The following GRK5 variants were observed in gnomAD, a reference collection of about 807,000 sequenced individuals.
The protein encoded by GRK5 is g protein-coupled receptor kinase GRK5.
In GRK5, 40 loss-of-function variants were observed where a neutral mutation model predicts 78.4. The observed-to-expected ratio is 0.51, with a 90% CI of 0.40 to 0.66. GRK5 has a LOEUF of 0.66. Ranked by LOEUF, GRK5 falls within the 30% of genes least tolerant of loss-of-function variation. The pLI, the probability that GRK5 is intolerant of heterozygous loss-of-function variation, is 0.00. For synonymous variants in GRK5, 289 were observed against 296.8 expected (o/e 0.97, Z 0.27); for missense variants, 598 against 759.9 (o/e 0.79, Z 2.50).
intron 4 of GRK5, among the ~76,000 whole-genome samples, chr10:119,414,240 G>T (rs1484304302): frequency 1.3e-5 from 2 of 152,240 alleles, no homozygotes; most frequent in Non-Finnish European, 2.9e-5. Flanking sequence ...TAAGCCCTAA[G>T]TGCTTGCGTC....
At chr10:119,394,302 C>T (rs1277166793) in intron 3 of GRK5, among the ~76,000 whole-genome samples, 1 of 37,620 alleles carries the variant, frequency 2.7e-5, no homozygotes, top group Admixed American at 2.2e-4. Flanking sequence ...ATCTGTGTGT[C>T]TGTGTGGGCA....
chr10:119,434,120 A>G (rs1484378442), intron 8 of GRK5, among the ~76,000 whole-genome samples: 1 of 152,196 alleles, frequency 6.6e-6, no homozygotes, highest in Admixed American at 6.5e-5. Context: ...ACTGCCCACA[A>G]TTCAATTATC....
At position 119,338,889 on chromosome 10, in the gene GRK5, G is replaced by GT. The variant is rs1222355194; in HGVS notation, c.148+12284dup. ...CACATGTATATATTCTACTATTTGGGTTTTTTCCACCTAGTTTTTGCCATT... is the reference window on the plus strand; with the variant it reads ...CACATGTATATATTCTACTATTTGGGTTTTTTTCCACCTAGTTTTTGCCATT... On this transcript the variant is annotated intron_variant, in intron 2 of 15. Coordinates refer to ENST00000392870, the MANE Select transcript of GRK5 (RefSeq NM_005308.3). Among the ~76,000 whole-genome samples, 3 of 152,268 alleles carry GT rather than the reference G, an allele frequency of 2.0e-5. No individual in the cohort carries two copies. The East Asian group carries it at 5.8e-4, about 29-fold the overall frequency.
chr10:119,348,013 G>T (rs1013136456), intron 2 of GRK5, among the ~76,000 whole-genome samples: 10 of 152,202 alleles, frequency 6.6e-5, no homozygotes, highest in Admixed American at 6.5e-4. Context: ...TCTCTCATCC[G>T]CCATTGTTGT....
chr10:119,258,622 T>A (rs769618482), intron 1 of GRK5, among the ~76,000 whole-genome samples: 1 of 152,202 alleles, frequency 6.6e-6, no homozygotes, highest in Non-Finnish European at 1.5e-5. Flanking sequence ...GCTTGGCGTT[T>A]TAATTGCAAG....
chr10:119,208,809 A>AG lies in GRK5; in HGVS notation c.52+848dup, dbSNP rs376756082. On this transcript the variant is annotated intron_variant, in intron 1 of 15. Coordinates refer to ENST00000392870, the MANE Select transcript of GRK5 (RefSeq NM_005308.3). The stretch of plus-strand genomic sequence containing the variant: ...TTCCTTTTGATGAAAAACAGAAAAA[A>AG]GGGGGGGGAGGCAGAAACTTGGGTG... Among the ~76,000 whole-genome samples the AG allele has an allele frequency of 1.8e-3, 279 of 151,746 alleles. 3 individuals carry two copies. The highest frequency in any genetic ancestry group is 5.1e-3 in the African/African-American group (210 of 41,362).
At chr10:119,422,933 G>A (rs1227097518) in intron 4 of GRK5, among the ~76,000 whole-genome samples, 1 of 152,236 alleles carries the variant, frequency 6.6e-6, no homozygotes, top group African/African-American at 2.4e-5. Context: ...CCTGAACCTA[G>A]GCTCATTCAC....
At chr10:119,210,968 G>A (rs1282253990) in intron 1 of GRK5, among the ~76,000 whole-genome samples, 1 of 152,162 alleles carries the variant, frequency 6.6e-6, no homozygotes, top group Non-Finnish European at 1.5e-5. Context: ...AAAGTGGAAA[G>A]CATTAATGTA....
intron 1 of GRK5, among the ~76,000 whole-genome samples, chr10:119,259,764 G>A (rs1293645406): frequency 6.6e-6 from 1 of 152,174 alleles, no homozygotes; most frequent in Admixed American, 6.5e-5. Flanking sequence ...TGCTACCAAG[G>A]AACTGAGTTT....
At chr10:119,211,700 A>C in intron 1 of GRK5, 1 of 152,262 alleles carries the variant, frequency 6.6e-6, no homozygotes, top group South Asian at 2.1e-4. Context: ...TAGAATACAC[A>C]GGAACCGTTT....
At chr10:119,341,996 A>T (rs1008392713) in intron 2 of GRK5, among the ~76,000 whole-genome samples, 3 of 152,070 alleles carry the variant, frequency 2.0e-5, no homozygotes, top group Middle Eastern at 3.2e-3. Context: ...CCCCTATCCG[A>T]CCTCAATGGG....
chr10:119,388,919 A>T (rs867778275), intron 3 of GRK5, among the ~76,000 whole-genome samples: 6 of 152,182 alleles, frequency 3.9e-5, no homozygotes, highest in African/African-American at 1.4e-4. Flanking sequence ...TCCTCACAAC[A>T]TGGCTGGCTT....
At chr10:119,324,786 G>A (rs919325175) in intron 1 of GRK5, among the ~76,000 whole-genome samples, 19 of 152,356 alleles carry the variant, frequency 1.2e-4, no homozygotes, top group Admixed American at 1.1e-3. Flanking sequence ...TGTGGCCCCC[G>A]TTGGCAGAAA....
chr10:119,440,751 A>G (rs556600542), intron 10 of GRK5, among the ~76,000 whole-genome samples: 2 of 152,130 alleles, frequency 1.3e-5, no homozygotes, highest in Non-Finnish European at 2.9e-5. Context: ...GGGTTTTGCC[A>G]TGTTGACCAG....
chr10:119,323,834 A>G (rs955143683), intron 1 of GRK5, among the ~76,000 whole-genome samples: 20 of 152,022 alleles, frequency 1.3e-4, no homozygotes, highest in African/African-American at 4.8e-4. Flanking sequence ...GTAGTCTTTT[A>G]TCCCTCACCT....
At chr10:119,239,105 C>G (rs189829374) in intron 1 of GRK5, among the ~76,000 whole-genome samples, 2 of 151,966 alleles carry the variant, frequency 1.3e-5, no homozygotes, top group African/African-American at 4.8e-5. Flanking sequence ...AAAGTCAAGT[C>G]GGGTATAATA....
At chr10:119,358,061 C>A (rs973699304) in intron 2 of GRK5, among the ~76,000 whole-genome samples, 1 of 152,150 alleles carries the variant, frequency 6.6e-6, no homozygotes, top group Non-Finnish European at 1.5e-5. Flanking sequence ...ACGGATGGCC[C>A]GAAATGGCTT....
At chr10:119,354,212 A>T (rs976966530) in intron 2 of GRK5, among the ~76,000 whole-genome samples, 3 of 151,750 alleles carry the variant, frequency 2.0e-5, no homozygotes, top group Admixed American at 2.0e-4. Context: ...TACATGCATC[A>T]CCTCTCATAG....
rs150126016 is a variant in GRK5, at chr10:119,444,651, G to A, written c.1266+899G>A. Among the ~76,000 whole-genome samples, 771 of 152,240 alleles carry A rather than the reference G, an allele frequency of 5.1e-3. 2 individuals are homozygous for A. The highest frequency in any genetic ancestry group is 0.018 in the African/African-American group (738 of 41,516). ...CAGCCTCATAGGGACAGGAGGGGCC[G>A]GAGCACCCAGCTCCACAATTGCCAG... On this transcript the variant is annotated intron_variant, in intron 12 of 15. Coordinates refer to ENST00000392870, the MANE Select transcript of GRK5 (RefSeq NM_005308.3).
Sources: gnomAD v4.1 joint callset for allele counts (sites outside exome capture counted in the v4.1 genomes callset) on GRCh38, gnomAD v4.1.1 for gene constraint, MANE v1.5 for transcripts, NCBI Gene and HGNC (gene_info 2026-07-23, HGNC 2026-07-21) for gene names.